The following ARID1B variants were observed in gnomAD, a reference collection of about 807,000 sequenced individuals.
The protein encoded by ARID1B is AT-rich interaction domain 1B, also known as AT-rich interactive domain-containing protein 1B.
In ARID1B, 30 loss-of-function variants were observed where a neutral mutation model predicts 212.3. The ratio of observed to expected loss-of-function variants is 0.14; its 90% CI spans 0.11 to 0.19. The LOEUF (loss-of-function observed/expected upper bound fraction) is 0.19. Ranked by LOEUF, ARID1B falls within the 10% of genes least tolerant of loss-of-function variation. The probability of loss-of-function intolerance (pLI) is 1.00; values close to 1 mark genes in which losing one functional copy is unlikely to be tolerated. For synonymous variants in ARID1B, 1,402 were observed against 1,301.7 expected (o/e 1.08, Z -1.66); for missense variants, 2,891 against 3,204.0 (o/e 0.90, Z 2.36).
intron 1 of ARID1B, among the ~76,000 whole-genome samples, chr6:156,804,630 C>T (rs1037032762): frequency 1.3e-5 from 2 of 151,956 alleles, no homozygotes; most frequent in African/African-American, 4.8e-5. Flanking sequence ...CATCAGATTT[C>T]GTGAGAACTA....
chr6:156,973,469 A>G (rs1206489336), intron 4 of ARID1B, among the ~76,000 whole-genome samples: 2 of 152,064 alleles, frequency 1.3e-5, no homozygotes, highest in Non-Finnish European at 2.9e-5. Flanking sequence ...ATGTAGGGTT[A>G]TTTTACTTGT....
chr6:157,096,909 A>G (rs1330643911), intron 5 of ARID1B, among the ~76,000 whole-genome samples: 1 of 152,258 alleles, frequency 6.6e-6, no homozygotes, highest in Non-Finnish European at 1.5e-5. Context: ...CATGGTGTGA[A>G]TTGTGATAGT....
rs1459566261 is a variant in ARID1B at position 157,084,930 on chromosome 6, A to G, written c.2491+25A>G. The G allele has an allele frequency of 2.5e-6, 4 of 1,582,036 alleles. No homozygotes were observed. The African/African-American group carries it at 5.4e-5, about 22-fold the overall frequency. Reference sequence around the variant, plus strand: ...GGTATTTACTTTCCTGACAATTATTATTTTACTTTGTGATAAAGAGAGATT... The same window carrying G: ...GGTATTTACTTTCCTGACAATTATTGTTTTACTTTGTGATAAAGAGAGATT... On this transcript the variant is annotated intron_variant, in intron 5 of 19. Transcript: ENST00000636930.
intron 3 of ARID1B, among the ~76,000 whole-genome samples, chr6:156,923,170 A>G (rs1454919065): frequency 6.6e-6 from 1 of 152,232 alleles, no homozygotes; most frequent in Non-Finnish European, 1.5e-5. Flanking sequence ...GAAATTAGCC[A>G]TTGTTAATGT....
intron 4 of ARID1B, among the ~76,000 whole-genome samples, chr6:156,982,707 A>G (rs771973580): frequency 2.6e-5 from 4 of 152,088 alleles, no homozygotes; most frequent in Non-Finnish European, 4.4e-5. Context: ...ATATTTTTTA[A>G]TTCAAAGTGT....
At chr6:156,837,979 T>C (rs1488503654) in intron 2 of ARID1B, among the ~76,000 whole-genome samples, 1 of 152,172 alleles carries the variant, frequency 6.6e-6, no homozygotes, top group Non-Finnish European at 1.5e-5. Context: ...AATCCAAAAT[T>C]TTGGTCACTA....
chr6:156,972,908 T>G (rs1248440868), intron 4 of ARID1B, among the ~76,000 whole-genome samples: 4 of 152,214 alleles, frequency 2.6e-5, no homozygotes, highest in Non-Finnish European at 4.4e-5. Context: ...TTGAAAGAAA[T>G]AAAGTTAAAA....
At chr6:157,053,016 C>T (rs554797623) in intron 4 of ARID1B, among the ~76,000 whole-genome samples, 11 of 152,124 alleles carry the variant, frequency 7.2e-5, no homozygotes, top group Middle Eastern at 3.4e-3. Flanking sequence ...CCACACCCAG[C>T]GCTAAGAGCA....
At chr6:157,177,908 A>G (rs190980038) in intron 11 of ARID1B, among the ~76,000 whole-genome samples, 61 of 152,266 alleles carry the variant, frequency 4.0e-4, no homozygotes, top group Middle Eastern at 3.4e-3. Context: ...GTAAATGAAG[A>G]CCTTTATCCA....
At chr6:157,182,556 A>G (rs1247277648) in intron 12 of ARID1B, among the ~76,000 whole-genome samples, 1 of 152,006 alleles carries the variant, frequency 6.6e-6, no homozygotes, top group Non-Finnish European at 1.5e-5. Context: ...AGGGCAAGTC[A>G]TCTGCCCTGC....
At chr6:157,097,226 T>A (rs1483339995) in intron 5 of ARID1B, among the ~76,000 whole-genome samples, 1 of 152,228 alleles carries the variant, frequency 6.6e-6, no homozygotes, top group Non-Finnish European at 1.5e-5. Context: ...GTACATAAAT[T>A]GACACTTAAT....
chr6:156,928,872 A>C (rs1791468182), intron 3 of ARID1B, among the ~76,000 whole-genome samples: 2 of 152,222 alleles, frequency 1.3e-5, no homozygotes. Flanking sequence ...CGTATAAACT[A>C]CTTAAGATTA....
chr6:156,942,627 A>G (rs1792762263), intron 4 of ARID1B: 1 of 151,912 alleles, frequency 6.6e-6, no homozygotes, highest in African/African-American at 2.4e-5. Flanking sequence ...AAGAAAAAAA[A>G]AAAAACACAT....
chr6:157,105,671 G>A (rs571751533), intron 5 of ARID1B, among the ~76,000 whole-genome samples: 81 of 152,002 alleles, frequency 5.3e-4, no homozygotes, highest in African/African-American at 1.8e-3. Context: ...GTGCAATCTC[G>A]GCTCACTGCA....
intron 4 of ARID1B, among the ~76,000 whole-genome samples, chr6:157,058,857 G>A (rs765035909): frequency 6.6e-6 from 1 of 152,162 alleles, no homozygotes; most frequent in Non-Finnish European, 1.5e-5. Flanking sequence ...AAAATACCAC[G>A]TGGTCTGGGG....
At chr6:157,060,619 C>T (rs1245031415) in intron 4 of ARID1B, among the ~76,000 whole-genome samples, 1 of 115,950 alleles carries the variant, frequency 8.6e-6, no homozygotes, top group African/African-American at 3.4e-5. Flanking sequence ...ATATGTGAAG[C>T]AAAATCTGAA....
rs1778760408 is a variant in ARID1B at position 156,778,018 on chromosome 6, G to A, written c.338G>A (p.Ser113Asn). The change falls in exon 1 of 20, where the codon AGC becomes AAC. Residue 113 changes from serine (S) to asparagine (N), a missense_variant. By Grantham distance (46) the Ser-to-Asn change is conservative (BLOSUM62 1). This residue lies in a region of ARID1B where 1,643 missense variants were observed against 1,544.0 expected (regional missense o/e 1.06). Coordinates refer to ENST00000636930, the MANE Select transcript of ARID1B (RefSeq NM_001374828.1). The stretch of plus-strand genomic sequence containing the variant: ...GAGGCGGCTCTCAAGGAGGGTGGAA[G>A]CGCCGCCGCGCTGTCCTCCTCCTCC... ...GSEAALKEGG[S>N]AAALSSSSSS... 2 of 1,533,368 alleles carry A rather than the reference G, an allele frequency of 1.3e-6. No individual in the cohort carries two copies. The highest frequency in any genetic ancestry group is 1.7e-6 in the Non-Finnish European group (2 of 1,145,424). The allele number at this position is 1,533,368 out of a possible 1,614,324, so 95.0% of individuals were successfully genotyped here. A position where few individuals can be genotyped will look rare whatever the true frequency, so the allele number is the denominator to read the frequency against.
chr6:157,068,142 C>T (rs1783796090), intron 4 of ARID1B, among the ~76,000 whole-genome samples: 1 of 152,186 alleles, frequency 6.6e-6, no homozygotes, highest in Non-Finnish European at 1.5e-5. Context: ...GTGTGAATTC[C>T]ATGGGAAATC....
intron 4 of ARID1B, among the ~76,000 whole-genome samples, chr6:157,069,904 T>C (rs1193815700): frequency 6.6e-6 from 1 of 152,212 alleles, no homozygotes; most frequent in Non-Finnish European, 1.5e-5. Context: ...CCTATACGAA[T>C]AACGTTTCTC....
Sources: allele counts gnomAD v4.1 joint callset (sites outside exome capture counted in the v4.1 genomes callset), GRCh38; gene constraint gnomAD v4.1.1; regional missense constraint gnomAD v4.1.1; transcripts MANE v1.5; gene names NCBI Gene and HGNC (gene_info 2026-07-23, HGNC 2026-07-21).